HAPSTR1: variants seen among roughly 807,000 people sequenced by gnomAD.
HAPSTR1 encodes the protein HUWE1-associated protein modifying stress responses 1.
At chr16:9,099,164 C>T in the HAPSTR1 span, among the ~76,000 whole-genome samples, 2 of 151,760 alleles carry the variant, frequency 1.3e-5, no homozygotes, top group Non-Finnish European at 2.9e-5. Context: ...ATATGGGATA[C>T]CTGCTATGAC....
the HAPSTR1 span, chr16:9,117,109 T>C: frequency 1.4e-6 from 1 of 729,304 alleles, no homozygotes; most frequent in Non-Finnish European, 2.2e-6. Context: ...TTCTTAAAAC[T>C]ATAATCCTAG....
chr16:9,117,273 T>TG, the HAPSTR1 span: 1 of 212,838 alleles, frequency 4.7e-6, no homozygotes, highest in Admixed American at 5.4e-5. Context: ...TTTTTTTTTT[T>TG]GGGTCCATTT....
chr16:9,097,226 C>T, the HAPSTR1 span, among the ~76,000 whole-genome samples: 2 of 149,224 alleles, frequency 1.3e-5, no homozygotes, highest in Non-Finnish European at 3.0e-5. Context: ...AGGCGTGAGC[C>T]ACCGCGCCTG....
chr16:9,094,759 T>C, the HAPSTR1 span, among the ~76,000 whole-genome samples: 1 of 152,196 alleles, frequency 6.6e-6, no homozygotes, highest in Non-Finnish European at 1.5e-5. Context: ...CTTTTGTTGG[T>C]ATTGCTTTGT....
chr16:9,116,161 T>A, the HAPSTR1 span, among the ~76,000 whole-genome samples: 13 of 152,332 alleles, frequency 8.5e-5, no homozygotes, highest in Middle Eastern at 3.4e-3. Flanking sequence ...CTGTTTTGGA[T>A]GGCAAGTTAT....
chr16:9,103,589 TTG>T, the HAPSTR1 span: 16 of 219,704 alleles, frequency 7.3e-5, no homozygotes, highest in Admixed American at 2.6e-4. Flanking sequence ...GAGGAAGTTC[TTG>T]TGTCTTAAGA....
chr16:9,121,178 TC>T, the HAPSTR1 span: 1 of 152,232 alleles, frequency 6.6e-6, no homozygotes, highest in African/African-American at 2.4e-5. Context: ...AGTCTTGAAT[TC>T]CTGACCTTAA....
chr16:9,115,242 T>C, the HAPSTR1 span, among the ~76,000 whole-genome samples: 1 of 152,220 alleles, frequency 6.6e-6, no homozygotes, highest in Admixed American at 6.5e-5. Flanking sequence ...CTTTTCAACT[T>C]AAAATTCAAA....
the HAPSTR1 span, chr16:9,103,529 C>T: frequency 2.1e-5 from 8 of 386,032 alleles, no homozygotes; most frequent in Admixed American, 2.5e-4. Context: ...TAGAATTTAT[C>T]GCTTTACACT....
the HAPSTR1 span, chr16:9,109,336 C>T: frequency 6.6e-6 from 1 of 152,124 alleles, no homozygotes; most frequent in South Asian, 2.1e-4. Context: ...GAGAAGATGG[C>T]ATGGGTCCTA....
the HAPSTR1 span, among the ~76,000 whole-genome samples, chr16:9,096,183 C>G: frequency 1.3e-5 from 2 of 152,160 alleles, no homozygotes; most frequent in Non-Finnish European, 1.5e-5. Flanking sequence ...GGGATAACTA[C>G]CACAGATTCT....
chr16:9,092,574 A>T, the HAPSTR1 span, among the ~76,000 whole-genome samples: 1 of 151,810 alleles, frequency 6.6e-6, no homozygotes, highest in African/African-American at 2.4e-5. Flanking sequence ...GGAGAGGAGG[A>T]GCCCCCGTCA....
At chr16:9,113,396 A>G in the HAPSTR1 span, among the ~76,000 whole-genome samples, 1 of 152,208 alleles carries the variant, frequency 6.6e-6, no homozygotes, top group African/African-American at 2.4e-5. Flanking sequence ...GATTGACCAA[A>G]TTGATGTTTA....
At chr16:9,103,268 G>T in the HAPSTR1 span, 1 of 1,604,590 alleles carries the variant, frequency 6.2e-7, no homozygotes, top group Non-Finnish European at 8.5e-7. Flanking sequence ...TGGTAAAGCC[G>T]TTTAAACATA....
the HAPSTR1 span, among the ~76,000 whole-genome samples, chr16:9,102,781 A>G: frequency 2.7e-3 from 410 of 152,252 alleles, no homozygotes; most frequent in African/African-American, 9.4e-3. Flanking sequence ...GTGATAAGTA[A>G]ACACTGAATT....
At chr16:9,100,908 T>A in the HAPSTR1 span, among the ~76,000 whole-genome samples, 1 of 152,324 alleles carries the variant, frequency 6.6e-6, no homozygotes, top group African/African-American at 2.4e-5. Flanking sequence ...TAGACTTTTT[T>A]TCCTCTGTTT....
At chr16:9,093,756 C>T in the HAPSTR1 span, among the ~76,000 whole-genome samples, 3 of 152,092 alleles carry the variant, frequency 2.0e-5, no homozygotes, top group African/African-American at 7.2e-5. Flanking sequence ...TGTAAGTAAA[C>T]GTTCTTGCCC....
chr16:9,106,477 A>G, the HAPSTR1 span: 2 of 151,778 alleles, frequency 1.3e-5, no homozygotes, highest in Non-Finnish European at 2.9e-5. Flanking sequence ...ATGGGGTTTC[A>G]TCATGTTGGC....
the HAPSTR1 span, chr16:9,118,842 A>G: frequency 2.0e-5 from 3 of 152,662 alleles, no homozygotes; most frequent in Admixed American, 2.0e-4. Context: ...GGAGGAACAC[A>G]TATTTAATTC....
Sources: gnomAD v4.1 joint callset for allele counts (sites outside exome capture counted in the v4.1 genomes callset) on GRCh38, gnomAD v4.1.1 for gene constraint, MANE v1.5 for transcripts, NCBI Gene and HGNC (gene_info 2026-07-23, HGNC 2026-07-21) for gene names.